PDZD2: variants seen among roughly 807,000 people sequenced by gnomAD.
PDZD2 encodes PDZ domain containing 2, also known as PDZ domain-containing protein 2.
In PDZD2, 90 loss-of-function variants were observed where a neutral mutation model predicts 220.7. The ratio of observed to expected loss-of-function variants is 0.41; its 90% CI spans 0.34 to 0.49. The LOEUF is 0.49. PDZD2 is among the 20% of genes least tolerant of loss of function. The probability of loss-of-function intolerance (pLI) is 0.28; values close to 1 mark genes in which losing one functional copy is unlikely to be tolerated. For synonymous variants in PDZD2, 1,375 were observed against 1,450.5 expected, an observed-to-expected ratio of 0.95 and a Z score of 1.18; for missense variants, 3,174 against 3,608.5, an observed-to-expected ratio of 0.88 and a Z score of 3.08.
intron 1 of PDZD2, among the ~76,000 whole-genome samples, chr5:31,777,604 A>C (rs1292028321): frequency 1.3e-5 from 2 of 152,082 alleles, no homozygotes; most frequent in Admixed American, 1.3e-4. Context: ...GGACTTGGAG[A>C]ACTTTTATGC....
chr5:31,752,598 A>G (rs1751072087), intron 1 of PDZD2, among the ~76,000 whole-genome samples: 1 of 151,624 alleles, frequency 6.6e-6, no homozygotes, highest in Non-Finnish European at 1.5e-5. Context: ...TTTCCCCCCC[A>G]GAGATGGAGT....
chr5:31,760,698 G>A (rs1751580285), intron 1 of PDZD2, among the ~76,000 whole-genome samples: 1 of 152,106 alleles, frequency 6.6e-6, no homozygotes, highest in African/African-American at 2.4e-5. Flanking sequence ...AAGTCGGGCG[G>A]ATCGCTTGAA....
chr5:31,729,009 G>A (rs750715545), intron 1 of PDZD2, among the ~76,000 whole-genome samples: 4 of 151,622 alleles, frequency 2.6e-5, no homozygotes, highest in Non-Finnish European at 4.4e-5. Flanking sequence ...CTGAGCCACC[G>A]CGCCCGGCCG....
intron 1 of PDZD2, among the ~76,000 whole-genome samples, chr5:31,760,792 T>C (rs1267859404): frequency 6.6e-6 from 1 of 152,034 alleles, no homozygotes; most frequent in Non-Finnish European, 1.5e-5. Flanking sequence ...TGCGGTGGTG[T>C]ATGCCTGTAA....
At chr5:31,680,945 G>A (rs1242181024) in intron 1 of PDZD2, among the ~76,000 whole-genome samples, 1 of 152,100 alleles carries the variant, frequency 6.6e-6, no homozygotes, top group South Asian at 2.1e-4. Flanking sequence ...GACAATTGCT[G>A]ACTGTGGACA....
chr5:31,674,838 C>A (rs962292578), intron 1 of PDZD2, among the ~76,000 whole-genome samples: 8 of 152,108 alleles, frequency 5.3e-5, no homozygotes, highest in Non-Finnish European at 1.2e-4. Flanking sequence ...ACCGCCCTTC[C>A]AGGTGGGGGC....
chr5:32,102,880 ACAG>A (rs1744387071), intron 24 of PDZD2, among the ~76,000 whole-genome samples: 2 of 152,344 alleles, frequency 1.3e-5, no homozygotes, highest in Admixed American at 1.3e-4. Flanking sequence ...ACCAGCCTCA[ACAG>A]CAGAGCAAGA....
At chr5:31,654,591 A>T (rs1241298718) in intron 1 of PDZD2, among the ~76,000 whole-genome samples, 2 of 152,042 alleles carry the variant, frequency 1.3e-5, no homozygotes, top group Admixed American at 1.3e-4. Flanking sequence ...AAACTTTAAC[A>T]TCTGAAACTG....
At chr5:31,758,532 C>G (rs1241104097) in intron 1 of PDZD2, among the ~76,000 whole-genome samples, 1 of 152,228 alleles carries the variant, frequency 6.6e-6, no homozygotes, top group South Asian at 2.1e-4. Flanking sequence ...GGAGGAGGGA[C>G]ATGACTGGGC....
chr5:32,024,161 T>G (rs965926094), intron 6 of PDZD2, among the ~76,000 whole-genome samples: 13 of 152,210 alleles, frequency 8.5e-5, no homozygotes, highest in African/African-American at 3.1e-4. Context: ...GGCTTCCTTT[T>G]GGTGGAAAGT....
At chr5:32,025,723 C>T (rs2112163855) in intron 6 of PDZD2, among the ~76,000 whole-genome samples, 1 of 149,120 alleles carries the variant, frequency 6.7e-6, no homozygotes, top group Non-Finnish European at 1.5e-5. Context: ...GCCTCAGCCT[C>T]CCTAGTAGCT....
intron 12 of PDZD2, among the ~76,000 whole-genome samples, chr5:32,058,482 A>C (rs1739330770): frequency 6.6e-6 from 1 of 150,448 alleles, no homozygotes; most frequent in Admixed American, 6.7e-5. Context: ...CAGCCTCCCC[A>C]ACATGGCGAA....
intron 7 of PDZD2, among the ~76,000 whole-genome samples, chr5:32,046,611 G>A (rs997348791): frequency 3.3e-4 from 50 of 152,050 alleles, no homozygotes; most frequent in African/African-American, 1.2e-3. Context: ...TTAAAAAGAC[G>A]TACTGTACTA....
At chr5:31,927,717 C>T (rs532708961) in intron 2 of PDZD2, among the ~76,000 whole-genome samples, 4 of 152,196 alleles carry the variant, frequency 2.6e-5, no homozygotes, top group South Asian at 4.2e-4. Context: ...TCTCCTTGCC[C>T]GAAGTGACTG....
intron 2 of PDZD2, among the ~76,000 whole-genome samples, chr5:31,912,019 GC>G (rs1743249988): frequency 6.6e-6 from 1 of 152,214 alleles, no homozygotes; most frequent in Non-Finnish European, 1.5e-5. Context: ...TACAGTGTCT[GC>G]CGTACTTAAT....
intron 1 of PDZD2, among the ~76,000 whole-genome samples, chr5:31,649,162 G>A (rs1465861931): frequency 6.6e-6 from 1 of 151,688 alleles, no homozygotes; most frequent in Non-Finnish European, 1.5e-5. Context: ...ACAGACATGA[G>A]CCACTGTGCC....
intron 1 of PDZD2, among the ~76,000 whole-genome samples, chr5:31,695,873 T>G (rs1232030713): frequency 1.3e-5 from 2 of 152,180 alleles, no homozygotes; most frequent in East Asian, 3.8e-4. Flanking sequence ...GTGTCTGTTT[T>G]TCTGAAGACA....
intron 2 of PDZD2, among the ~76,000 whole-genome samples, chr5:31,953,490 C>T (rs1400504449): frequency 6.6e-6 from 1 of 151,946 alleles, no homozygotes; most frequent in African/African-American, 2.4e-5. Flanking sequence ...AAAAGATAAA[C>T]TAAACCGATG....
rs1242947989 is a variant in PDZD2 at position 32,109,399 on chromosome 5, A to AAACTC, written c.*1266_*1270dup. 1.1e-4 allele frequency: 16 copies of AAACTC among 152,324 alleles called. No homozygotes were observed. The highest frequency in any genetic ancestry group is 3.8e-4 in the African/African-American group (16 of 41,562). 9.4% of individuals were successfully genotyped at this position (152,324 alleles called of 1,614,324 possible). ...ACTGTCGTGACTCACGCTACTTGGG[A>AAACTC]AACTCACTCTGGCCACTCCTCCTCT... On this transcript the variant is annotated 3_prime_UTR_variant, in exon 25 of 25. Transcript: ENST00000438447.
Sources: gnomAD v4.1 joint callset for allele counts (sites outside exome capture counted in the v4.1 genomes callset) on GRCh38, gnomAD v4.1.1 for gene constraint, MANE v1.5 for transcripts, NCBI Gene and HGNC (gene_info 2026-07-23, HGNC 2026-07-21) for gene names.